The following DAB1 variants were observed in gnomAD, a reference collection of about 807,000 sequenced individuals.
The protein encoded by DAB1 is disabled homolog 1.
Under a neutral mutation model 64.6 loss-of-function variants are expected in DAB1, and 15 were observed. The observed-to-expected ratio is 0.23, with a 90% CI of 0.16 to 0.36. The LOEUF (loss-of-function observed/expected upper bound fraction) is 0.36, where lower values mean the gene tolerates loss of function less well. Ranked by LOEUF, DAB1 falls within the 10% of genes least tolerant of loss-of-function variation. The probability of loss-of-function intolerance (pLI) is 1.00; values close to 1 mark genes in which losing one functional copy is unlikely to be tolerated. For synonymous variants in DAB1, 235 were observed against 251.9 expected, an observed-to-expected ratio of 0.93 and a Z score of 0.64; for missense variants, 596 against 706.7, an observed-to-expected ratio of 0.84 and a Z score of 1.78.
intron 1 of DAB1, among the ~76,000 whole-genome samples, chr1:57,404,444 A>G (rs1187928038): frequency 6.6e-6 from 1 of 152,232 alleles, no homozygotes; most frequent in Non-Finnish European, 1.5e-5. Flanking sequence ...GAGAAAATTA[A>G]GACTTGGCAA....
At chr1:57,943,772 C>G (rs1645138331) in intron 5 of DAB1, among the ~76,000 whole-genome samples, 1 of 152,094 alleles carries the variant, frequency 6.6e-6, no homozygotes, top group Non-Finnish European at 1.5e-5. Flanking sequence ...CTAAATCACC[C>G]TCTACCATAC....
chr1:57,737,226 G>A (rs1647735008), intron 6 of DAB1, among the ~76,000 whole-genome samples: 1 of 152,196 alleles, frequency 6.6e-6, no homozygotes, highest in Non-Finnish European at 1.5e-5. Flanking sequence ...TCAGGCAGAA[G>A]TCAAAAGACA....
chr1:57,393,539 T>C (rs1212290244), intron 1 of DAB1, among the ~76,000 whole-genome samples: 1 of 151,294 alleles, frequency 6.6e-6, no homozygotes, highest in Non-Finnish European at 1.5e-5. Context: ...AAAAAAAAAA[T>C]ATAAAAATTA....
Position 57,940,507 on chromosome 1 carries a change from G to A in DAB1, n.388-56345C>T, listed in dbSNP as rs185856126. 2.9e-3 allele frequency among the ~76,000 whole-genome samples: 440 copies of A among 152,308 alleles called. 4 individuals carry two copies. Among genetic ancestry groups the A allele is most frequent in the African/African-American group, 9.9e-3 (412 of 41,580 alleles). On this transcript the variant is annotated intron_variant and non_coding_transcript_variant, in intron 5 of 20. Transcript: ENST00000485760. The stretch of plus-strand genomic sequence containing the variant: ...AAGTGAAGGGCAGACTAGAGGATAA[G>A]AACCTTTTAAGTCTTCTAGCCCAAT...
chr1:58,450,615 G>A (rs548525096), intron 3 of DAB1, among the ~76,000 whole-genome samples: 55 of 152,238 alleles, frequency 3.6e-4, no homozygotes, highest in Non-Finnish European at 3.4e-4. Context: ...TTAGCCGGGC[G>A]TGGTGGCAGG....
chr1:57,000,168 C>T (rs762367527), intron 14 of DAB1, among the ~76,000 whole-genome samples: 2 of 151,776 alleles, frequency 1.3e-5, no homozygotes, highest in African/African-American at 4.8e-5. Context: ...CTCAGCCTCC[C>T]GTGTAGCTGG....
chr1:58,127,481 A>G (rs1001851843), intron 5 of DAB1, among the ~76,000 whole-genome samples: 3 of 151,006 alleles, frequency 2.0e-5, no homozygotes, highest in African/African-American at 7.3e-5. Context: ...CCATTTGTCA[A>G]TTTTGGCTTT....
At chr1:57,483,996 G>A (rs950808984) in intron 7 of DAB1, among the ~76,000 whole-genome samples, 5 of 152,178 alleles carry the variant, frequency 3.3e-5, no homozygotes, top group African/African-American at 1.2e-4. Flanking sequence ...TGTGGGAACC[G>A]TGAGGGTACA....
intron 5 of DAB1, among the ~76,000 whole-genome samples, chr1:58,097,954 C>T (rs755314404): frequency 3.3e-5 from 5 of 152,124 alleles, no homozygotes; most frequent in African/African-American, 4.8e-5. Context: ...AGGATTCCCA[C>T]GGGCAGTTCC....
In DAB1 at chr1:57,271,553, TGAA is replaced by T. The variant is rs1393795320; in HGVS notation, c.67+19408_67+19410del. Among the ~76,000 whole-genome samples, 6 of 152,242 alleles carry T rather than the reference TGAA, an allele frequency of 3.9e-5. No homozygotes were observed. The South Asian group carries it at 8.3e-4, about 21-fold the overall frequency. On this transcript the variant is annotated intron_variant, in intron 2 of 14. Transcript: ENST00000371236. ...GGGAAGCACAGCTTCACAGGGTTGG[TGAA>T]GAACTGGTTCCCATCCCTGCCCTCA...
At chr1:58,481,189 T>G (rs12144759) in intron 3 of DAB1, 132,895 of 772,462 alleles carry the variant, frequency 0.17, 11,961 homozygotes, top group African/African-American at 0.24. Flanking sequence ...AAAGAAATAA[T>G]AAAATAAAAA....
At chr1:58,353,947 C>T (rs1644082959) in intron 3 of DAB1, among the ~76,000 whole-genome samples, 1 of 152,080 alleles carries the variant, frequency 6.6e-6, no homozygotes, top group African/African-American at 2.4e-5. Flanking sequence ...TGCATTATGC[C>T]ATTCTACCTC....
At chr1:57,908,475 C>G (rs982512136) in intron 5 of DAB1, among the ~76,000 whole-genome samples, 1 of 152,274 alleles carries the variant, frequency 6.6e-6, no homozygotes, top group African/African-American at 2.4e-5. Flanking sequence ...CCCCTCCTCC[C>G]GCATCCTGAT....
chr1:58,507,990 G>C (rs1180679038), intron 2 of DAB1, among the ~76,000 whole-genome samples: 1 of 152,014 alleles, frequency 6.6e-6, no homozygotes, highest in Non-Finnish European at 1.5e-5. Context: ...CAAACCAAAG[G>C]CATACTTATC....
chr1:58,203,761 T>C (rs1416568230), intron 4 of DAB1, among the ~76,000 whole-genome samples: 1 of 152,214 alleles, frequency 6.6e-6, no homozygotes, highest in Non-Finnish European at 1.5e-5. Flanking sequence ...CAATGATCTT[T>C]TTGCATGTCT....
At chr1:58,531,631 A>G (rs1646434933) in intron 1 of DAB1, among the ~76,000 whole-genome samples, 1 of 152,202 alleles carries the variant, frequency 6.6e-6, no homozygotes, top group African/African-American at 2.4e-5. Context: ...GTACCCTCAC[A>G]AAACATACTT....
At chr1:57,910,731 T>G (rs539586112) in intron 5 of DAB1, among the ~76,000 whole-genome samples, 1 of 152,350 alleles carries the variant, frequency 6.6e-6, no homozygotes, top group East Asian at 1.9e-4. Context: ...ACTAAGCCAC[T>G]TCCCACCTGC....
At chr1:58,148,067 C>T (rs146245825) in intron 5 of DAB1, among the ~76,000 whole-genome samples, 1 of 150,752 alleles carries the variant, frequency 6.6e-6, no homozygotes, top group East Asian at 2.0e-4. Flanking sequence ...ATCCATGAAA[C>T]CAGGGAAAGT....
At chr1:57,014,040 A>G (rs766817287) in intron 12 of DAB1, among the ~76,000 whole-genome samples, 1 of 152,240 alleles carries the variant, frequency 6.6e-6, no homozygotes, top group Non-Finnish European at 1.5e-5. Flanking sequence ...CAGGACTGCA[A>G]AAAAACACTT....
Sources: allele counts gnomAD v4.1 joint callset (sites outside exome capture counted in the v4.1 genomes callset), GRCh38; gene constraint gnomAD v4.1.1; transcripts MANE v1.5; gene names NCBI Gene and HGNC (gene_info 2026-07-23, HGNC 2026-07-21).